Variants in HYAL3 observed in about 807,000 individuals in gnomAD.
HYAL3 encodes the protein hyaluronidase-3.
HYAL3 carries 25 observed loss-of-function variants against 29.6 expected under a neutral mutation model. The observed-to-expected ratio is 0.85, with a 90% confidence interval of 0.62 to 1.18. HYAL3 has a LOEUF of 1.18. HYAL3 is among the 50% of genes most tolerant of loss of function. HYAL3 has a pLI of 0.00. For synonymous variants in HYAL3, 215 were observed against 218.3 expected (o/e 0.99, Z 0.13); for missense variants, 442 against 548.4 (o/e 0.81, Z 1.94).
chr3:50,299,309 T>C lies in HYAL3; in HGVS notation c.-114A>G. 2 of 1,609,192 alleles carry C rather than the reference T, an allele frequency of 1.2e-6. No homozygotes were observed. Among genetic ancestry groups the C allele is most frequent in the South Asian group, 1.1e-5 (1 of 90,842 alleles). ...CTCGGACTCCTCGGTCCGACAACGT[T>C]GGCCCCCAGCGGTGCGGCGGATGTT... On this transcript the variant is annotated 5_prime_UTR_variant, in exon 1 of 4. Transcript: ENST00000336307.
At position 50,297,259 on chromosome 3, in the gene HYAL3, G is replaced by A. The variant is rs879956358; in HGVS notation, c.-17-1640C>T. On this transcript the variant is annotated intron_variant, in intron 1 of 3. Coordinates refer to ENST00000336307, the MANE Select transcript of HYAL3 (RefSeq NM_003549.4). This position sits in a 1 kb window ranked among gnomAD's most constrained non-coding sequence, Gnocchi z 4.3. ...TCAGCACAAGCATCCAGGAGCTCGG[G>A]TCGGCGGTGCACAGGCTCCAGGGTC... 6.2e-7 allele frequency: 1 copy of A among 1,610,274 alleles called. No individual in the cohort carries two copies. The highest frequency in any genetic ancestry group is 1.7e-5 in the Admixed American group (1 of 59,684).
In HYAL3 at chr3:50,297,732, G is replaced by A. The variant is rs1701911593; in HGVS notation, c.-18+1481C>T. 1.5e-6 allele frequency: 2 copies of A among 1,355,956 alleles called. No individual in the cohort carries two copies. Among genetic ancestry groups the A allele is most frequent in the Admixed American group, 3.6e-5 (1 of 27,974 alleles). 84.0% of individuals were successfully genotyped at this position (1,355,956 alleles called of 1,614,324 possible). A position where few individuals can be genotyped will look rare whatever the true frequency, so the allele number is the denominator to read the frequency against. The stretch of plus-strand genomic sequence containing the variant: ...GGGAGGGTGGGGTTGGAGCAGGGAA[G>A]GGCTGACAGAGTGCAGGGGGGACCA... On this transcript the variant is annotated intron_variant, in intron 1 of 3. Transcript: ENST00000336307. The surrounding 1 kb of genome is among the most constrained non-coding windows in gnomAD (Gnocchi z 4.3).
chr3:50,294,654 C>G lies in HYAL3; in HGVS notation c.894+55G>C. ...GGCAAGGTCTTCTCCTGGGACCTTC[C>G]TAGAACAGGGCCATACCTCCTGACT... On this transcript the variant is annotated intron_variant, in intron 2 of 3. Coordinates refer to ENST00000336307, the MANE Select transcript of HYAL3 (RefSeq NM_003549.4). 3 of 1,433,672 alleles carry G rather than the reference C, an allele frequency of 2.1e-6. No homozygotes were observed. The South Asian group carries it at 5.0e-5, about 24-fold the overall frequency. 88.8% of individuals were successfully genotyped at this position (1,433,672 alleles called of 1,614,324 possible). A position where few individuals can be genotyped will look rare whatever the true frequency, so the allele number is the denominator to read the frequency against.
intron 1 of HYAL3, among the ~76,000 whole-genome samples, chr3:50,296,098 T>G (rs868994495): frequency 1.3e-4 from 20 of 152,334 alleles, no homozygotes; most frequent in Middle Eastern, 3.4e-3. Flanking sequence ...TCCCAAAGCC[T>G]CTGTACCTCC....
intron 1 of HYAL3, chr3:50,298,975 G>T: frequency 2.1e-6 from 3 of 1,450,906 alleles, no homozygotes; most frequent in Middle Eastern, 2.5e-4. Flanking sequence ...GGTCCTCAGA[G>T]AGTGGCTTCT....
intron 1 of HYAL3, chr3:50,295,901 G>T: frequency 4.9e-6 from 2 of 405,466 alleles, no homozygotes; most frequent in Non-Finnish European, 4.4e-6. Flanking sequence ...ATACACCACT[G>T]TGTCCTCCCA....
Position 50,293,616 on chromosome 3 carries a change from A to G in HYAL3, c.984+16T>C. 3 of 1,613,752 alleles carry G rather than the reference A, an allele frequency of 1.9e-6. No individual in the cohort carries two copies. The highest frequency in any genetic ancestry group is 2.5e-6 in the Non-Finnish European group (3 of 1,179,920). Reference sequence around the variant, plus strand: ...CAGCATGTGCTACATGGCAGGCTCAAAGGGGCAATGATCACCTCAGAGCTG... The same window carrying G: ...CAGCATGTGCTACATGGCAGGCTCAGAGGGGCAATGATCACCTCAGAGCTG... On this transcript the variant is annotated intron_variant, in intron 3 of 3. Transcript: ENST00000336307.
intron 2 of HYAL3, among the ~76,000 whole-genome samples, chr3:50,294,081 C>A (rs1466012049): frequency 6.6e-6 from 1 of 152,236 alleles, no homozygotes; most frequent in East Asian, 1.9e-4. Context: ...GGGAGAATCA[C>A]TTGAGCCCAG....
intron 1 of HYAL3, chr3:50,298,911 C>T: frequency 7.3e-7 from 1 of 1,361,968 alleles, no homozygotes; most frequent in South Asian, 1.6e-5. Flanking sequence ...CGGGGCTTCC[C>T]CGCGGCCTTA....
In HYAL3 at chr3:50,296,734, G is replaced by C. The variant is rs374067234; in HGVS notation, c.-17-1115C>G. 8 of 1,611,624 alleles carry C rather than the reference G, an allele frequency of 5.0e-6. No individual in the cohort carries two copies. The African/African-American group carries it at 1.1e-4, about 22-fold the overall frequency. On this transcript the variant is annotated intron_variant, in intron 1 of 3. Coordinates refer to ENST00000336307, the MANE Select transcript of HYAL3 (RefSeq NM_003549.4). ...GTCAGGCACTCAGGTAGGGGAGGGGGTGGTGGCAATGGAGGTCCCTTGGGA... is the reference window on the plus strand; with the variant it reads ...GTCAGGCACTCAGGTAGGGGAGGGGCTGGTGGCAATGGAGGTCCCTTGGGA...
Position 50,295,089 on chromosome 3 carries a change from C to G in HYAL3, c.514G>C (p.Gly172Arg). 1 of 1,613,136 alleles carries G rather than the reference C, an allele frequency of 6.2e-7. No individual in the cohort carries two copies. The highest frequency in any genetic ancestry group is 8.5e-7 in the Non-Finnish European group (1 of 1,179,592). ...PQEQLYKAYT[G>R]FEQAARALME... ...AGTGCACGGGCCGCCTGCTCAAAGC[C>G]AGTATAGGCCTTGTAGAGCTGCTCC... is the stretch of plus-strand genomic sequence containing the variant. The change falls in exon 2 of 4, where the codon GGC (glycine) becomes CGC (arginine). Residue 172 changes from glycine to arginine, a missense_variant. Coordinates refer to ENST00000336307, the MANE Select transcript of HYAL3 (RefSeq NM_003549.4).
chr3:50,293,076 T>A lies in HYAL3; in HGVS notation c.*170A>T. The A allele has an allele frequency of 7.0e-7, 1 of 1,428,706 alleles. No individual in the cohort carries two copies. Among genetic ancestry groups the A allele is most frequent in the Non-Finnish European group, 9.7e-7 (1 of 1,026,240 alleles). 88.5% of individuals were successfully genotyped at this position (1,428,706 alleles called of 1,614,324 possible). On this transcript the variant is annotated 3_prime_UTR_variant, in exon 4 of 4. Transcript: ENST00000336307. ...CATGATCTCAGAGGGCCTCTGGTTT[T>A]ATAAGCGTTTTTTCTGGCCCCTTCT...
Position 50,297,109 on chromosome 3 carries a change from C to A in HYAL3, c.-17-1490G>T. 1 of 1,554,726 alleles carries A rather than the reference C, an allele frequency of 6.4e-7. No individual in the cohort carries two copies. The highest frequency in any genetic ancestry group is 8.7e-7 in the Non-Finnish European group (1 of 1,148,796). On this transcript the variant is annotated intron_variant, in intron 1 of 3. Transcript: ENST00000336307. The surrounding 1 kb of genome is among the most constrained non-coding windows in gnomAD (Gnocchi z 4.3). ...GACAGGCGGGCATGGCCCACCACAA[C>A]GGGTGCTGCTTCAAGTGTGGGGTGG...
intron 2 of HYAL3, 149 bp from the exon 3 acceptor site, chr3:50,293,870 G>A (rs942283768): frequency 1.3e-5 from 9 of 714,052 alleles, no homozygotes; most frequent in East Asian, 2.7e-5. Context: ...TTTTAGAGGC[G>A]GGGTTTTACT....
rs369405159 is a variant in HYAL3, at chr3:50,296,878, C to A, written c.-17-1259G>T. 55 of 1,604,664 alleles carry A rather than the reference C, an allele frequency of 3.4e-5. No homozygotes were observed. Among genetic ancestry groups the A allele is most frequent in the Non-Finnish European group, 4.6e-5 (54 of 1,176,350 alleles). On this transcript the variant is annotated intron_variant, in intron 1 of 3. Transcript: ENST00000336307. ...AGCCGTCTGCTGGTGAAGACCAGGC[C>A]CTGCACAGGCTCACCCAGCTGGTAG...
rs1276046298 is a variant in HYAL3 at position 50,293,093 on chromosome 3, G to A, written c.*153C>T. 9.7e-6 allele frequency: 14 copies of A among 1,444,296 alleles called. 1 individual carries two copies. In the South Asian group the frequency reaches 1.5e-4, roughly 15 times the overall value. The allele number at this position is 1,444,296 out of a possible 1,614,324, so 89.5% of individuals were successfully genotyped here. On this transcript the variant is annotated 3_prime_UTR_variant, in exon 4 of 4. Coordinates refer to ENST00000336307, the MANE Select transcript of HYAL3 (RefSeq NM_003549.4). ...TCTGGTTTTATAAGCGTTTTTTCTG[G>A]CCCCTTCTACCCCTCAGGGATTCCA...
At position 50,295,627 on chromosome 3, in the gene HYAL3, A is replaced by G; in HGVS notation, c.-17-8T>C. 1 of 1,522,168 alleles carries G rather than the reference A, an allele frequency of 6.6e-7. No homozygotes were observed. The highest frequency in any genetic ancestry group is 8.8e-7 in the Non-Finnish European group (1 of 1,135,310). 94.3% of individuals were successfully genotyped at this position (1,522,168 alleles called of 1,614,324 possible). On this transcript the variant is annotated splice_region_variant and splice_polypyrimidine_tract_variant and intron_variant, in intron 1 of 3. Coordinates refer to ENST00000336307, the MANE Select transcript of HYAL3 (RefSeq NM_003549.4). ...TTCCCCAAGGATGGAAACCTGCAGG[A>G]GAGAGGGGGGTGTAAGCTTAGAGTC...
At chr3:50,296,314 G>A in intron 1 of HYAL3, 1 of 444,656 alleles carries the variant, frequency 2.2e-6, no homozygotes, top group Non-Finnish European at 4.0e-6. Context: ...GGGCCAAGGT[G>A]GATCTGGAGA....
chr3:50,295,252 T>C lies in HYAL3; in HGVS notation c.351A>G (p.Arg117=). The part of the protein sequence containing the change: ...LAAYQIHHSL[R]PGFAGPAVLD... The stretch of plus-strand genomic sequence containing the variant: ...GCACTGCTGGGCCAGCAAAGCCAGG[T>C]CTCAGGCTGTGGTGGATCTGGTAGG... The change falls in exon 2 of 4, where the codon AGA becomes AGG. Residue 117 remains arginine (R), a synonymous_variant. Coordinates refer to ENST00000336307, the MANE Select transcript of HYAL3 (RefSeq NM_003549.4). 1 of 1,613,860 alleles carries C rather than the reference T, an allele frequency of 6.2e-7. No homozygotes were observed. Among genetic ancestry groups the C allele is most frequent in the Non-Finnish European group, 8.5e-7 (1 of 1,179,990 alleles).
Sources: gnomAD v4.1 joint callset for allele counts (sites outside exome capture counted in the v4.1 genomes callset) on GRCh38, gnomAD v4.1.1 for gene constraint, Gnocchi (gnomAD v3.1) non-coding constraint, MANE v1.5 for transcripts, NCBI Gene and HGNC (gene_info 2026-07-23, HGNC 2026-07-21) for gene names.